PLXNA4: variants seen among roughly 807,000 people sequenced by gnomAD.
The protein encoded by PLXNA4 is plexin-A4.
PLXNA4 carries 44 observed loss-of-function variants against 191.8 expected under a neutral mutation model. The ratio of observed to expected loss-of-function variants is 0.23; its 90% CI spans 0.18 to 0.29. The LOEUF is 0.29. PLXNA4 is among the 10% of genes least tolerant of loss of function. PLXNA4 has a pLI of 1.00. For missense variants in PLXNA4, 1,800 were observed against 2,488.8 expected, an observed-to-expected ratio of 0.72 and a Z score of 5.89; for synonymous variants, 1,082 against 1,009.5, an observed-to-expected ratio of 1.07 and a Z score of -1.36.
intron 3 of PLXNA4, among the ~76,000 whole-genome samples, chr7:132,410,851 AC>A (rs1467094476): frequency 6.6e-6 from 1 of 151,972 alleles, no homozygotes; most frequent in Non-Finnish European, 1.5e-5. Flanking sequence ...TCCATTCCCC[AC>A]AGCAGGCTAG....
At chr7:132,484,463 G>T (rs1797462028) in intron 3 of PLXNA4, among the ~76,000 whole-genome samples, 1 of 152,172 alleles carries the variant, frequency 6.6e-6, no homozygotes, top group African/African-American at 2.4e-5. Context: ...TTTAATATTT[G>T]CAAAACCAGG....
At chr7:132,523,505 G>A (rs534825570) in intron 1 of PLXNA4, among the ~76,000 whole-genome samples, 2 of 152,358 alleles carry the variant, frequency 1.3e-5, no homozygotes, top group African/African-American at 4.8e-5. Context: ...GCCCAGAAGA[G>A]CACGGAAGGA....
chr7:132,298,669 A>G (rs184029381), intron 3 of PLXNA4, among the ~76,000 whole-genome samples: 8 of 152,370 alleles, frequency 5.3e-5, no homozygotes, highest in African/African-American at 1.9e-4. Flanking sequence ...TGCTACCTGG[A>G]TGTCATTGCT....
intron 3 of PLXNA4, among the ~76,000 whole-genome samples, chr7:132,481,879 T>C (rs923744044): frequency 9.9e-5 from 15 of 152,212 alleles, no homozygotes; most frequent in Non-Finnish European, 2.1e-4. Flanking sequence ...TCCTCACCCC[T>C]GGTCCTGTGG....
At chr7:132,523,651 G>C (rs1799278835) in intron 1 of PLXNA4, among the ~76,000 whole-genome samples, 1 of 152,206 alleles carries the variant, frequency 6.6e-6, no homozygotes, top group African/African-American at 2.4e-5. Flanking sequence ...CAGTCTGGCT[G>C]CTGTGTAGAG....
intron 1 of PLXNA4, among the ~76,000 whole-genome samples, chr7:132,521,695 C>A (rs1375225633): frequency 5.3e-5 from 8 of 152,200 alleles, no homozygotes; most frequent in Non-Finnish European, 1.0e-4. Context: ...TCATCCCCTT[C>A]CTCCCCAACT....
intron 3 of PLXNA4, among the ~76,000 whole-genome samples, chr7:132,468,362 T>C (rs963822153): frequency 2.0e-5 from 3 of 152,220 alleles, no homozygotes; most frequent in African/African-American, 7.2e-5. Context: ...TTGGTGCTTA[T>C]ACATATGCCG....
At chr7:132,432,139 T>C (rs2117200032) in intron 3 of PLXNA4, among the ~76,000 whole-genome samples, 1 of 152,212 alleles carries the variant, frequency 6.6e-6, no homozygotes, top group South Asian at 2.1e-4. Flanking sequence ...CCCACCCTCC[T>C]CACTCCAAGA....
At chr7:132,507,142 G>T (rs1488163575) in intron 2 of PLXNA4, among the ~76,000 whole-genome samples, 1 of 152,206 alleles carries the variant, frequency 6.6e-6, no homozygotes, top group South Asian at 2.1e-4. Context: ...GCATGTACGT[G>T]TCTTGCACTA....
chr7:132,565,337 A>C (rs1282319779), intron 1 of PLXNA4, among the ~76,000 whole-genome samples: 1 of 152,196 alleles, frequency 6.6e-6, no homozygotes, highest in African/African-American at 2.4e-5. Context: ...TGGCCAGTAT[A>C]TAATACCTCT....
At chr7:132,302,729 C>T (rs1442888179) in intron 3 of PLXNA4, among the ~76,000 whole-genome samples, 1 of 151,610 alleles carries the variant, frequency 6.6e-6, no homozygotes, top group Non-Finnish European at 1.5e-5. Context: ...TCAAGAACAG[C>T]CTAGGAAAGA....
intron 3 of PLXNA4, among the ~76,000 whole-genome samples, chr7:132,409,353 A>T (rs1412682445): frequency 6.6e-6 from 1 of 152,192 alleles, no homozygotes; most frequent in Non-Finnish European, 1.5e-5. Flanking sequence ...TGGCAGCTCC[A>T]GCCCCGAGAC....
chr7:132,635,170 T>TTATA (rs3037811), intron 2 of PLXNA4, among the ~76,000 whole-genome samples: 1,868 of 131,690 alleles, frequency 0.014, 24 homozygotes, highest in East Asian at 0.034. Flanking sequence ...AAACTCCCCT[T>TTATA]TATATATATA....
rs538105167 is a variant in PLXNA4 at position 132,551,571 on chromosome 7, T to G, written c.-87+24851A>C. Among the ~76,000 whole-genome samples, 8 of 152,266 alleles carry G rather than the reference T, an allele frequency of 5.3e-5. No homozygotes were observed. In the South Asian group the frequency reaches 1.5e-3, roughly 28 times the overall value. On this transcript the variant is annotated intron_variant, in intron 1 of 31. Transcript: ENST00000321063. ...GGCTGCAAGGGCCAGCCAGTCCCCATACACAATCAGAGCTCTCTGCAAAAG... is the reference window on the plus strand; with the variant it reads ...GGCTGCAAGGGCCAGCCAGTCCCCAGACACAATCAGAGCTCTCTGCAAAAG...
At chr7:132,562,172 C>T (rs1585342703) in intron 1 of PLXNA4, among the ~76,000 whole-genome samples, 2 of 118,016 alleles carry the variant, frequency 1.7e-5, no homozygotes, top group African/African-American at 3.5e-5. Flanking sequence ...TCCTCCTCCT[C>T]TTTCTCCTCC....
chr7:132,449,516 G>C (rs914165275), intron 3 of PLXNA4, among the ~76,000 whole-genome samples: 3 of 152,322 alleles, frequency 2.0e-5, no homozygotes, highest in African/African-American at 7.2e-5. Context: ...TGCCCAAAGA[G>C]ATGAACGGAC....
At chr7:132,332,816 T>A (rs1463452630) in intron 3 of PLXNA4, among the ~76,000 whole-genome samples, 1 of 149,764 alleles carries the variant, frequency 6.7e-6, no homozygotes, top group Non-Finnish European at 1.5e-5. Context: ...GCTGTGATCA[T>A]GCCACTGTAC....
At chr7:132,300,814 C>T (rs763919876) in intron 3 of PLXNA4, among the ~76,000 whole-genome samples, 15 of 152,252 alleles carry the variant, frequency 9.9e-5, no homozygotes, top group East Asian at 1.9e-4. Flanking sequence ...AGGCCACCGT[C>T]GGCCAGAGCA....
At chr7:132,380,774 T>C (rs145590464) in intron 3 of PLXNA4, among the ~76,000 whole-genome samples, 331 of 152,314 alleles carry the variant, frequency 2.2e-3, no homozygotes, top group African/African-American at 7.7e-3. Context: ...AAAGCACCGA[T>C]TGCTGGTCCC....
Sources: gnomAD v4.1 joint callset for allele counts (sites outside exome capture counted in the v4.1 genomes callset) on GRCh38, gnomAD v4.1.1 for gene constraint, MANE v1.5 for transcripts, NCBI Gene and HGNC (gene_info 2026-07-23, HGNC 2026-07-21) for gene names.